RBFOX1: variants seen among roughly 807,000 people sequenced by gnomAD.
The protein encoded by RBFOX1 is RNA binding protein fox-1 homolog 1.
A neutral mutation model predicts 57.7 loss-of-function variants in RBFOX1; 8 were observed. The observed-to-expected ratio is 0.14, with a 90% CI of 0.08 to 0.25. RBFOX1 has a LOEUF of 0.25. RBFOX1 is among the 10% of genes least tolerant of loss of function. RBFOX1 has a pLI of 1.00. For synonymous variants in RBFOX1, 326 were observed against 222.4 expected (o/e 1.47, Z -4.15); for missense variants, 611 against 548.5 (o/e 1.11, Z -1.14).
chr16:5,961,692 C>CT (rs1567195205), intron 4 of RBFOX1, among the ~76,000 whole-genome samples: 1 of 151,950 alleles, frequency 6.6e-6, no homozygotes, highest in Non-Finnish European at 1.5e-5. Context: ...GCTGATGTTT[C>CT]TTTTTTGTAA....
chr16:7,611,551 C>T (rs1033614167), intron 10 of RBFOX1, among the ~76,000 whole-genome samples: 21 of 151,080 alleles, frequency 1.4e-4, no homozygotes, highest in Non-Finnish European at 2.5e-4. Context: ...TGCACTGCAG[C>T]CTGGGTGACA....
At chr16:7,310,451 G>A (rs2096282429) in intron 4 of RBFOX1, among the ~76,000 whole-genome samples, 1 of 152,172 alleles carries the variant, frequency 6.6e-6, no homozygotes, top group Admixed American at 6.5e-5. Context: ...AGGAGAAGAT[G>A]TTGATCAAAA....
chr16:5,467,153 T>A (rs1056669556), intron 1 of RBFOX1: 7 of 1,395,986 alleles, frequency 5.0e-6, no homozygotes, highest in Non-Finnish European at 6.7e-6. Context: ...AGCAATTGTT[T>A]CAATGTAGAC....
intron 4 of RBFOX1, among the ~76,000 whole-genome samples, chr16:5,957,540 TATATC>T (rs1273271911): frequency 1.3e-5 from 2 of 152,184 alleles, no homozygotes; most frequent in Admixed American, 1.3e-4. Context: ...TTCTAATTGT[TATATC>T]AGGAGGTCAA....
chr16:6,454,874 T>TGG lies in RBFOX1; in HGVS notation c.-64+137817_-64+137818insGG, dbSNP rs1567313731. Among the ~76,000 whole-genome samples, 12 of 50,252 alleles carry TGG rather than the reference T, an allele frequency of 2.4e-4. No individual in the cohort carries two copies. In the South Asian group the frequency reaches 3.2e-3, roughly 13 times the overall value. The allele number at this position is 50,252 out of a possible 152,430, so 33.0% of individuals were successfully genotyped here. On this transcript the variant is annotated intron_variant, in intron 2 of 15. Coordinates refer to ENST00000550418, the MANE Select transcript of RBFOX1 (RefSeq NM_018723.4). ...CTCATATACAGGTTTTTTTTTTTTT[T>TGG]TTTTTTTTTTTTTTTTTTTTTTTTT...
At chr16:6,912,146 A>G (rs1024009596) in intron 3 of RBFOX1, among the ~76,000 whole-genome samples, 4 of 152,148 alleles carry the variant, frequency 2.6e-5, no homozygotes, top group Non-Finnish European at 5.9e-5. Context: ...TTTGAGTTCT[A>G]TTTTCATGCC....
At chr16:6,714,584 C>G (rs2064385884) in intron 3 of RBFOX1, among the ~76,000 whole-genome samples, 1 of 152,016 alleles carries the variant, frequency 6.6e-6, no homozygotes, top group African/African-American at 2.4e-5. Context: ...TCCTGCTGCA[C>G]AGGTAGGAAA....
intron 2 of RBFOX1, among the ~76,000 whole-genome samples, chr16:5,521,907 A>G (rs1460420630): frequency 6.6e-6 from 1 of 152,150 alleles, no homozygotes; most frequent in African/African-American, 2.4e-5. Context: ...GTTGAGATGG[A>G]TGGATGGAGA....
chr16:7,139,176 C>CTCTCTCTCTG (rs372381673), intron 4 of RBFOX1, among the ~76,000 whole-genome samples: 1,466 of 145,900 alleles, frequency 0.01, 35 homozygotes, highest in African/African-American at 0.035. Flanking sequence ...CAATCTCTCT[C>CTCTCTCTCTG]TGTGTGTGTG....
At chr16:6,422,591 G>T (rs2093806676) in intron 2 of RBFOX1, among the ~76,000 whole-genome samples, 1 of 152,170 alleles carries the variant, frequency 6.6e-6, no homozygotes, top group Non-Finnish European at 1.5e-5. Context: ...GGATGCCTCA[G>T]GAAGCTTCCA....
At chr16:6,031,467 G>T (rs973971609) in intron 1 of RBFOX1, among the ~76,000 whole-genome samples, 1 of 152,192 alleles carries the variant, frequency 6.6e-6, no homozygotes, top group Non-Finnish European at 1.5e-5. Flanking sequence ...ATTCAAGATA[G>T]GTGCGAGAAT....
intron 3 of RBFOX1, among the ~76,000 whole-genome samples, chr16:6,915,767 C>A (rs371547853): frequency 3.9e-5 from 6 of 152,134 alleles, no homozygotes; most frequent in African/African-American, 1.4e-4. Context: ...GCCCATGCTG[C>A]CCTCAAGCAC....
chr16:7,709,195 C>T (rs2083457457), intron 15 of RBFOX1, 64 bp downstream of exon 15: 1 of 1,459,942 alleles, frequency 6.8e-7, no homozygotes. Context: ...CCAGCTGGGA[C>T]CTCAGTACGG....
intron 2 of RBFOX1, among the ~76,000 whole-genome samples, chr16:5,541,003 C>T (rs2044923748): frequency 6.6e-6 from 1 of 152,156 alleles, no homozygotes; most frequent in South Asian, 2.1e-4. Flanking sequence ...ACATGTGCTA[C>T]CCCGCCTGGC....
chr16:6,662,701 C>A (rs73529870), intron 3 of RBFOX1, among the ~76,000 whole-genome samples: 2,123 of 152,178 alleles, frequency 0.014, 52 homozygotes, highest in African/African-American at 0.049. Flanking sequence ...TGATCATCTA[C>A]CTTTTTGACC....
chr16:6,539,978 T>C (rs906109083), intron 2 of RBFOX1, among the ~76,000 whole-genome samples: 1 of 152,138 alleles, frequency 6.6e-6, no homozygotes, highest in Non-Finnish European at 1.5e-5. Context: ...TACCAATGTC[T>C]TAACAGAAAG....
chr16:6,577,692 T>A (rs919546139), intron 2 of RBFOX1, among the ~76,000 whole-genome samples: 2 of 152,186 alleles, frequency 1.3e-5, no homozygotes, highest in Non-Finnish European at 2.9e-5. Context: ...GAAGTCCACC[T>A]GGATGTCTCA....
At chr16:7,505,676 G>A (rs2073039110) in intron 4 of RBFOX1, among the ~76,000 whole-genome samples, 1 of 152,068 alleles carries the variant, frequency 6.6e-6, no homozygotes, top group South Asian at 2.1e-4. Context: ...ACTGCAAGTC[G>A]ACCGCCCACT....
chr16:7,580,417 G>A (rs976085724), intron 6 of RBFOX1, among the ~76,000 whole-genome samples: 2 of 152,134 alleles, frequency 1.3e-5, no homozygotes, highest in Non-Finnish European at 2.9e-5. Flanking sequence ...TCTGCATAAA[G>A]CTGATTTTAG....
Sources: gnomAD v4.1 joint callset for allele counts (sites outside exome capture counted in the v4.1 genomes callset) on GRCh38, gnomAD v4.1.1 for gene constraint, MANE v1.5 for transcripts, NCBI Gene and HGNC (gene_info 2026-07-23, HGNC 2026-07-21) for gene names.